The following CTNNBL1 variants were observed in gnomAD, a reference collection of about 807,000 sequenced individuals.
CTNNBL1 encodes the protein catenin beta like 1, also known as beta-catenin-like protein 1.
A neutral mutation model predicts 72.7 loss-of-function variants in CTNNBL1; 31 were observed. The ratio of observed to expected loss-of-function variants is 0.43; its 90% CI spans 0.32 to 0.58. The LOEUF is 0.58. Among genes scored for constraint, CTNNBL1 ranks in the 20% least tolerant of loss-of-function variants. CTNNBL1 has a pLI of 0.08. For synonymous variants in CTNNBL1, 240 were observed against 267.3 expected, an observed-to-expected ratio of 0.90 and a Z score of 1.00; for missense variants, 534 against 725.1, an observed-to-expected ratio of 0.74 and a Z score of 3.03.
At chr20:37,866,890 C>G (rs1053417242) in intron 15 of CTNNBL1, among the ~76,000 whole-genome samples, 1 of 152,120 alleles carries the variant, frequency 6.6e-6, no homozygotes, top group South Asian at 2.1e-4. Flanking sequence ...TGAGATGCCA[C>G]CAGGAAAAGC....
intron 11 of CTNNBL1, among the ~76,000 whole-genome samples, chr20:37,815,444 A>G (rs550081679): frequency 6.6e-6 from 1 of 152,014 alleles, no homozygotes; most frequent in South Asian, 2.1e-4. Flanking sequence ...CAGCCTCCCA[A>G]GTAGCTGGGA....
chr20:37,743,179 G>A (rs2073233103), intron 3 of CTNNBL1, among the ~76,000 whole-genome samples: 1 of 149,142 alleles, frequency 6.7e-6, no homozygotes, highest in African/African-American at 2.5e-5. Context: ...TTAGTGCCCA[G>A]TCTCCCTTGC....
At chr20:37,803,806 A>T (rs1183438898) in intron 11 of CTNNBL1, among the ~76,000 whole-genome samples, 2 of 151,200 alleles carry the variant, frequency 1.3e-5, no homozygotes, top group Non-Finnish European at 2.9e-5. Context: ...AGCTGAGCTG[A>T]CTGGCTCATT....
rs115597667 is a variant in CTNNBL1, at chr20:37,712,866, C to T, written c.30+18714C>T. Among the ~76,000 whole-genome samples, 802 of 152,292 alleles carry T rather than the reference C, an allele frequency of 5.3e-3. 7 individuals carry two copies. Among genetic ancestry groups the T allele is most frequent in the African/African-American group, 0.018 (766 of 41,554 alleles). On this transcript the variant is annotated intron_variant, in intron 1 of 15. Transcript: ENST00000361383. ...CAGATTTCCTTCCGACCAGAAGTGC[C>T]GTTGGTGGGCACCACCCTAATTTTC...
intron 4 of CTNNBL1, among the ~76,000 whole-genome samples, chr20:37,749,386 C>T (rs2073297373): frequency 1.3e-5 from 2 of 152,108 alleles, no homozygotes; most frequent in Non-Finnish European, 2.9e-5. Flanking sequence ...AAGACTGACA[C>T]AAAAAACGCT....
intron 11 of CTNNBL1, 135 bp downstream of exon 11, chr20:37,803,183 T>G (rs909095747): frequency 1.3e-6 from 1 of 776,058 alleles, no homozygotes; most frequent in Non-Finnish European, 2.0e-6. Context: ...TATTTTCTTA[T>G]TTTTCATGAA....
intron 5 of CTNNBL1, among the ~76,000 whole-genome samples, chr20:37,764,664 A>G (rs1399796310): frequency 6.6e-6 from 1 of 152,238 alleles, no homozygotes; most frequent in Non-Finnish European, 1.5e-5. Context: ...TTAAGAGGGA[A>G]CTATAAATTC....
chr20:37,777,706 G>C lies in CTNNBL1; in HGVS notation c.876G>C (p.Gln292His). 2 of 1,613,650 alleles carry C rather than the reference G, an allele frequency of 1.2e-6. No homozygotes were observed. The highest frequency in any genetic ancestry group is 1.7e-6 in the Non-Finnish European group (2 of 1,179,664). Residue 292 changes from glutamine (Q) to histidine (H), a missense_variant, in exon 9 of 16, where the codon CAG becomes CAC. Physicochemically the swap from Gln to His is conservative, Grantham distance 24 (BLOSUM62 0). Transcript: ENST00000361383. ...ELDGIDVLLQ[Q>H]LSVFKRHNPS... Reference sequence around the variant, plus strand: ...ATGGAATCGATGTGCTTCTTCAGCAGTTATCCGTGAGTAATTCTTATGCTT... The same window carrying C: ...ATGGAATCGATGTGCTTCTTCAGCACTTATCCGTGAGTAATTCTTATGCTT...
At chr20:37,767,355 T>C (rs1452350685) in intron 6 of CTNNBL1, among the ~76,000 whole-genome samples, 1 of 152,208 alleles carries the variant, frequency 6.6e-6, no homozygotes, top group East Asian at 1.9e-4. Flanking sequence ...TTGGCTGTTG[T>C]AGGAGATAGC....
At chr20:37,797,784 G>C (rs2073791275) in intron 10 of CTNNBL1, among the ~76,000 whole-genome samples, 2 of 152,274 alleles carry the variant, frequency 1.3e-5, no homozygotes, top group South Asian at 4.1e-4. Context: ...AAGTCAGCCT[G>C]TCTTCTGTTT....
chr20:37,726,465 A>G lies in CTNNBL1; in HGVS notation c.31-6414A>G, dbSNP rs142376279. On this transcript the variant is annotated intron_variant, in intron 1 of 15. Transcript: ENST00000361383. ...CTTGTGGTCTTGCTCACCATAGGCA[A>G]GTTGCTTAAACTCACTGGCCTCAGA... Among the ~76,000 whole-genome samples, 161 of 152,344 alleles carry G rather than the reference A, an allele frequency of 1.1e-3. 4 individuals are homozygous for G. The East Asian group carries it at 0.025, about 24-fold the overall frequency.
At chr20:37,795,135 ATTTT>A (rs1298565017) in intron 10 of CTNNBL1, among the ~76,000 whole-genome samples, 1 of 132,938 alleles carries the variant, frequency 7.5e-6, no homozygotes, top group Non-Finnish European at 1.6e-5. Flanking sequence ...TTCAGTTATA[ATTTT>A]TTTTTTTTTT....
chr20:37,769,200 G>A (rs2073500758), intron 7 of CTNNBL1, among the ~76,000 whole-genome samples: 1 of 152,204 alleles, frequency 6.6e-6, no homozygotes, highest in African/African-American at 2.4e-5. Flanking sequence ...ATAAGGGAGG[G>A]ACTGCTGTAT....
At chr20:37,854,144 A>T (rs532653904) in intron 13 of CTNNBL1, among the ~76,000 whole-genome samples, 4 of 152,228 alleles carry the variant, frequency 2.6e-5, no homozygotes, top group Non-Finnish European at 5.9e-5. Context: ...TGAAGTTCTG[A>T]GGAAAGAGAA....
intron 5 of CTNNBL1, among the ~76,000 whole-genome samples, chr20:37,759,658 TG>T (rs1244163378): frequency 2.0e-5 from 3 of 152,224 alleles, no homozygotes; most frequent in Admixed American, 6.5e-5. Context: ...TTTAAGATTT[TG>T]ACTCTTACAG....
At chr20:37,701,530 G>A (rs1027613456) in intron 1 of CTNNBL1, among the ~76,000 whole-genome samples, 2 of 152,156 alleles carry the variant, frequency 1.3e-5, no homozygotes, top group East Asian at 1.9e-4. Context: ...TGGAAGGAAC[G>A]GTTGGATATG....
intron 10 of CTNNBL1, among the ~76,000 whole-genome samples, chr20:37,783,890 A>G (rs1267012131): frequency 1.3e-5 from 2 of 152,176 alleles, no homozygotes; most frequent in African/African-American, 4.8e-5. Context: ...TATACTGCAG[A>G]TGAAGTTTGA....
At chr20:37,802,800 CTT>C (rs35447704) in intron 10 of CTNNBL1, 65 bp from the exon 11 acceptor site, 668 of 1,030,772 alleles carry the variant, frequency 6.5e-4, no homozygotes, top group South Asian at 1.1e-3. Flanking sequence ...AGCAAATACC[CTT>C]TTTTTTTTTT....
intron 1 of CTNNBL1, among the ~76,000 whole-genome samples, chr20:37,708,541 G>GA (rs200000748): frequency 1.3e-5 from 2 of 151,954 alleles, no homozygotes; most frequent in Non-Finnish European, 2.9e-5. Context: ...TGCAAAGGGG[G>GA]AAAAAAATGA....
Sources: gnomAD v4.1 joint callset for allele counts (sites outside exome capture counted in the v4.1 genomes callset) on GRCh38, gnomAD v4.1.1 for gene constraint, MANE v1.5 for transcripts, NCBI Gene and HGNC (gene_info 2026-07-23, HGNC 2026-07-21) for gene names.